The following UTS2 variants were observed in gnomAD, a reference collection of about 807,000 sequenced individuals.
UTS2 encodes the protein urotensin-2.
In UTS2, 10 loss-of-function variants were observed where a neutral mutation model predicts 12.6. The ratio of observed to expected loss-of-function variants is 0.80; its 90% confidence interval spans 0.49 to 1.35. UTS2 has a LOEUF of 1.35. Among genes scored for constraint, UTS2 ranks in the 40% most tolerant of loss-of-function variants. UTS2 has a pLI of 0.00. For missense variants in UTS2, 142 were observed against 143.2 expected (o/e 0.99, Z 0.04); for synonymous variants, 52 against 50.0 (o/e 1.04, Z -0.17).
the UTS2 span, among the ~76,000 whole-genome samples, chr1:7,874,930 C>T: frequency 6.6e-6 from 1 of 152,188 alleles, no homozygotes; most frequent in African/African-American, 2.4e-5. Context: ...AATGTCCTTG[C>T]TTCCCCTTTG....
chr1:7,891,535 GA>G, the UTS2 span, among the ~76,000 whole-genome samples: 24 of 43,614 alleles, frequency 5.5e-4, no homozygotes, highest in Non-Finnish European at 8.3e-4. Flanking sequence ...AAGAAAGAAA[GA>G]AAAGAAAGAA....
chr1:7,871,039 C>T, the UTS2 span, among the ~76,000 whole-genome samples: 2 of 152,206 alleles, frequency 1.3e-5, no homozygotes, highest in Non-Finnish European at 2.9e-5. Context: ...ACCTAAAAGG[C>T]TAAAAGAACC....
At chr1:7,854,793 C>T (rs928271495), upstream of UTS2, among the ~76,000 whole-genome samples, 4 of 152,018 alleles carry the variant, frequency 2.6e-5, no homozygotes, top group East Asian at 1.9e-4. Context: ...AATACACATG[C>T]GAATTAGCTT....
At chr1:7,869,432 C>T in the UTS2 span, among the ~76,000 whole-genome samples, 1 of 152,194 alleles carries the variant, frequency 6.6e-6, no homozygotes, top group Admixed American at 6.5e-5. Context: ...GGGGTGAGCA[C>T]GTGGGGAAAG....
the UTS2 span, among the ~76,000 whole-genome samples, chr1:7,912,991 CTT>C: frequency 6.3e-5 from 9 of 143,350 alleles, no homozygotes; most frequent in Admixed American, 2.8e-4. Context: ...ATAGCTTTTT[CTT>C]TTTTTTTTTT....
chr1:7,851,270 C>T (rs1428840375), intron 1 of UTS2, among the ~76,000 whole-genome samples: 1 of 152,214 alleles, frequency 6.6e-6, no homozygotes, highest in East Asian at 1.9e-4. Flanking sequence ...TCTACTGCTG[C>T]CTACTGCCTT....
the UTS2 span, among the ~76,000 whole-genome samples, chr1:7,896,702 CT>C: frequency 3.7e-4 from 55 of 147,132 alleles, no homozygotes; most frequent in African/African-American, 1.0e-3. Context: ...GAAAAAGAAG[CT>C]TTTTTTTTTT....
chr1:7,904,805 G>A, the UTS2 span, among the ~76,000 whole-genome samples: 4 of 149,454 alleles, frequency 2.7e-5, no homozygotes, highest in Non-Finnish European at 5.9e-5. Flanking sequence ...TTGGAAGACT[G>A]AGGCAGGAGA....
At chr1:7,848,439 A>G (rs923968551) in intron 3 of UTS2, among the ~76,000 whole-genome samples, 3 of 150,980 alleles carry the variant, frequency 2.0e-5, no homozygotes, top group African/African-American at 7.3e-5. Flanking sequence ...ACCCTGTCTC[A>G]ATAAATAAAT....
At chr1:7,849,557 T>A in intron 3 of UTS2, 83 bp downstream of exon 3, 1 of 1,259,158 alleles carries the variant, frequency 7.9e-7, no homozygotes, top group South Asian at 1.3e-5. Context: ...AGAACACTCC[T>A]CTAGTTCATG....
In UTS2 at chr1:7,848,087, C is replaced by T. The variant is rs75771417; in HGVS notation, c.259-205G>A. ...CACCTCCCTACCTCTAATGAGTGTCCTTCCAGTCTGTTCAGCCCAGCGATT... is the reference window on the plus strand; with the variant it reads ...CACCTCCCTACCTCTAATGAGTGTCTTTCCAGTCTGTTCAGCCCAGCGATT... On this transcript the variant is annotated intron_variant, in intron 3 of 3. Transcript: ENST00000361696. Among the ~76,000 whole-genome samples, 8 of 152,246 alleles carry T rather than the reference C, an allele frequency of 5.3e-5. No individual in the cohort carries two copies. In the East Asian group the frequency reaches 1.5e-3, roughly 29 times the overall value.
Position 7,847,715 on chromosome 1 carries a change from C to T in UTS2, c.*51G>A, listed in dbSNP as rs868712440. 1 of 1,396,266 alleles carries T rather than the reference C, an allele frequency of 7.2e-7. No individual in the cohort carries two copies. Among genetic ancestry groups the T allele is most frequent in the Non-Finnish European group, 1.0e-6 (1 of 995,650 alleles). 86.5% of individuals were successfully genotyped at this position (1,396,266 alleles called of 1,614,324 possible). On this transcript the variant is annotated 3_prime_UTR_variant, in exon 4 of 4. Transcript: ENST00000361696. ...TCAAATCAAGCATTGTGTTATTTTTCATATTCTAAGATGGGTGTTTCTGAG... is the reference window on the plus strand; with the variant it reads ...TCAAATCAAGCATTGTGTTATTTTTTATATTCTAAGATGGGTGTTTCTGAG...
the UTS2 span, among the ~76,000 whole-genome samples, chr1:7,910,302 A>G: frequency 2.7e-5 from 3 of 112,528 alleles, no homozygotes; most frequent in Non-Finnish European, 5.4e-5. Flanking sequence ...CTTTCTTTGT[A>G]AAAACCGGCC....
the UTS2 span, among the ~76,000 whole-genome samples, chr1:7,890,349 C>T: frequency 6.6e-6 from 1 of 152,036 alleles, no homozygotes; most frequent in African/African-American, 2.4e-5. Flanking sequence ...CAAGTGACCT[C>T]AGAAGTGCCT....
upstream of UTS2, among the ~76,000 whole-genome samples, chr1:7,858,250 G>A (rs1004983773): frequency 2.0e-5 from 3 of 152,216 alleles, no homozygotes; most frequent in African/African-American, 4.8e-5. Context: ...TACTGAGCAC[G>A]TCATTCCACG....
At chr1:7,896,528 A>G in the UTS2 span, among the ~76,000 whole-genome samples, 1 of 152,124 alleles carries the variant, frequency 6.6e-6, no homozygotes, top group Non-Finnish European at 1.5e-5. Context: ...GTCTTTAAGA[A>G]GTTTTAAAAT....
chr1:7,873,858 A>G, the UTS2 span, among the ~76,000 whole-genome samples: 4 of 152,214 alleles, frequency 2.6e-5, no homozygotes, highest in Non-Finnish European at 5.9e-5. Context: ...AAATAGCATC[A>G]TATGCTACAG....
chr1:7,869,250 G>A, the UTS2 span, among the ~76,000 whole-genome samples: 9 of 152,174 alleles, frequency 5.9e-5, no homozygotes, highest in African/African-American at 2.2e-4. Context: ...TCCTTTCACT[G>A]TATTTGACAT....
chr1:7,863,031 TTGTATTGTATTGTATTGTATTG>T, the UTS2 span, among the ~76,000 whole-genome samples: 138 of 30,124 alleles, frequency 4.6e-3, 4 homozygotes, highest in African/African-American at 9.7e-3. Context: ...TTGTATTGTA[TTGTATTGTATTGTATTGTATTG>T]TATTGTATTG....
Sources: gnomAD v4.1 joint callset for allele counts (sites outside exome capture counted in the v4.1 genomes callset) on GRCh38, gnomAD v4.1.1 for gene constraint, MANE v1.5 for transcripts, NCBI Gene and HGNC (gene_info 2026-07-23, HGNC 2026-07-21) for gene names.